VTI1A: variants seen among roughly 807,000 people sequenced by gnomAD.
VTI1A encodes the protein vesicle transport through interaction with t-SNAREs 1A.
VTI1A carries 22 observed loss-of-function variants against 34.9 expected under a neutral mutation model. That is an observed-to-expected ratio of 0.63 (90% CI 0.45 to 0.90). The LOEUF (loss-of-function observed/expected upper bound fraction) is 0.90. Ranked by LOEUF, VTI1A falls within the 40% of genes least tolerant of loss-of-function variation. The pLI, the probability that VTI1A is intolerant of heterozygous loss-of-function variation, is 0.00. For missense variants in VTI1A, 268 were observed against 275.6 expected, an observed-to-expected ratio of 0.97 and a Z score of 0.20; for synonymous variants, 87 against 97.3, an observed-to-expected ratio of 0.89 and a Z score of 0.62.
intron 5 of VTI1A, among the ~76,000 whole-genome samples, chr10:112,647,157 A>C (rs997660695): frequency 1.7e-4 from 26 of 152,316 alleles, no homozygotes; most frequent in African/African-American, 6.0e-4. Flanking sequence ...AGTTACTTTA[A>C]AACTTTTTCT....
intron 5 of VTI1A, among the ~76,000 whole-genome samples, chr10:112,611,113 A>T (rs1252054386): frequency 6.6e-6 from 1 of 152,240 alleles, no homozygotes; most frequent in African/African-American, 2.4e-5. Flanking sequence ...ATTTGTAATG[A>T]GAGCTGTCCC....
At chr10:112,801,416 G>A (rs1387090583) in intron 7 of VTI1A, among the ~76,000 whole-genome samples, 1 of 152,222 alleles carries the variant, frequency 6.6e-6, no homozygotes, top group Non-Finnish European at 1.5e-5. Flanking sequence ...CTGTCCGGAA[G>A]TTATATTGCT....
Position 112,641,963 on chromosome 10 carries a change from A to G in VTI1A, c.428-26255A>G, listed in dbSNP as rs1846593311. On this transcript the variant is annotated intron_variant, in intron 5 of 7. Coordinates refer to ENST00000393077, the MANE Select transcript of VTI1A (RefSeq NM_145206.4). The stretch of plus-strand genomic sequence containing the variant: ...ATTGAGCAGAAATTGAACTGATCGC[A>G]CCGTGTTAAGTCAGGAAGATTCTCA... Among the ~76,000 whole-genome samples, 4 of 152,290 alleles carry G rather than the reference A, an allele frequency of 2.6e-5. No homozygotes were observed. The South Asian group carries it at 8.3e-4, about 32-fold the overall frequency.
chr10:112,733,951 C>T (rs953278986), intron 7 of VTI1A, among the ~76,000 whole-genome samples: 2 of 151,884 alleles, frequency 1.3e-5, no homozygotes, highest in Non-Finnish European at 2.9e-5. Flanking sequence ...AGGGTTTCAC[C>T]ATGTTGGTCA....
chr10:112,547,864 TTATC>T (rs1264457351), intron 5 of VTI1A, among the ~76,000 whole-genome samples: 3 of 152,286 alleles, frequency 2.0e-5, no homozygotes, highest in South Asian at 4.1e-4. Flanking sequence ...GTTTCTTTCT[TTATC>T]TAGTTCTTTT....
intron 4 of VTI1A, among the ~76,000 whole-genome samples, chr10:112,534,132 A>T (rs547352381): frequency 6.6e-6 from 1 of 152,274 alleles, no homozygotes; most frequent in East Asian, 1.9e-4. Flanking sequence ...TTTTTGTAGC[A>T]TGCAGCACCC....
At chr10:112,709,386 G>A (rs1161557158) in intron 7 of VTI1A, among the ~76,000 whole-genome samples, 1 of 151,962 alleles carries the variant, frequency 6.6e-6, no homozygotes, top group Admixed American at 6.6e-5. Flanking sequence ...TGGTGCTGTG[G>A]GCTGGCCTAG....
chr10:112,460,888 A>G (rs576904767), intron 2 of VTI1A, among the ~76,000 whole-genome samples: 2 of 152,374 alleles, frequency 1.3e-5, no homozygotes, highest in East Asian at 1.9e-4. Flanking sequence ...GATTAAAAAT[A>G]CTACTTGCTT....
intron 7 of VTI1A, among the ~76,000 whole-genome samples, chr10:112,722,947 C>T (rs1171637381): frequency 1.3e-5 from 2 of 152,140 alleles, no homozygotes; most frequent in Admixed American, 1.3e-4. Context: ...CTCTTTAGTA[C>T]AATAAGGGGC....
At chr10:112,780,933 C>T (rs1398622199) in intron 7 of VTI1A, among the ~76,000 whole-genome samples, 1 of 152,122 alleles carries the variant, frequency 6.6e-6, no homozygotes, top group African/African-American at 2.4e-5. Flanking sequence ...CCTCCCACTT[C>T]AGTTTTTAAC....
intron 7 of VTI1A, among the ~76,000 whole-genome samples, chr10:112,784,787 GT>G (rs1445921899): frequency 2.0e-5 from 3 of 152,170 alleles, no homozygotes; most frequent in African/African-American, 2.4e-5. Context: ...TTCTCCAACT[GT>G]TATGCTAGTC....
intron 5 of VTI1A, among the ~76,000 whole-genome samples, chr10:112,565,755 T>C (rs1442452916): frequency 6.6e-6 from 1 of 152,184 alleles, no homozygotes; most frequent in Admixed American, 6.5e-5. Flanking sequence ...TATCAGTTTT[T>C]AAAATGTGTG....
intron 7 of VTI1A, among the ~76,000 whole-genome samples, chr10:112,703,711 A>C (rs1316613378): frequency 6.6e-6 from 1 of 152,210 alleles, no homozygotes; most frequent in Non-Finnish European, 1.5e-5. Flanking sequence ...TTTACATCAC[A>C]CCAATAAATT....
At chr10:112,618,573 G>A (rs1271750323) in intron 5 of VTI1A, among the ~76,000 whole-genome samples, 2 of 124,408 alleles carry the variant, frequency 1.6e-5, no homozygotes, top group African/African-American at 3.2e-5. Context: ...TAATATCAAC[G>A]GGCTGTTAAG....
At chr10:112,520,837 TAAATG>T (rs1339207163) in intron 3 of VTI1A, among the ~76,000 whole-genome samples, 1 of 151,906 alleles carries the variant, frequency 6.6e-6, no homozygotes, top group African/African-American at 2.4e-5. Flanking sequence ...GCAAAAATAA[TAAATG>T]AGAGTGATTA....
the VTI1A span, among the ~76,000 whole-genome samples, chr10:112,834,274 G>T: frequency 6.6e-6 from 1 of 152,162 alleles, no homozygotes; most frequent in Non-Finnish European, 1.5e-5. Flanking sequence ...ACCCATGGGA[G>T]CTTGTTCTCT....
intron 5 of VTI1A, among the ~76,000 whole-genome samples, chr10:112,662,184 G>A (rs183805405): frequency 3.9e-4 from 59 of 152,186 alleles, no homozygotes; most frequent in Non-Finnish European, 6.5e-4. Context: ...TCTGTGGATC[G>A]GCTTTTTACA....
chr10:112,828,700 G>A, the VTI1A span, among the ~76,000 whole-genome samples: 3 of 151,296 alleles, frequency 2.0e-5, no homozygotes, highest in Non-Finnish European at 2.9e-5. Context: ...CCACCCACCC[G>A]GCCTAAAATT....
At chr10:112,679,320 G>GA (rs1354931764) in intron 7 of VTI1A, among the ~76,000 whole-genome samples, 1 of 152,030 alleles carries the variant, frequency 6.6e-6, no homozygotes, top group Non-Finnish European at 1.5e-5. Flanking sequence ...CTTTTATGGG[G>GA]AAAAGAAAGC....
Sources: allele counts gnomAD v4.1 joint callset (sites outside exome capture counted in the v4.1 genomes callset), GRCh38; gene constraint gnomAD v4.1.1; transcripts MANE v1.5; gene names NCBI Gene and HGNC (gene_info 2026-07-23, HGNC 2026-07-21).